The following PAK3 variants were observed in gnomAD, a reference collection of about 807,000 sequenced individuals.
PAK3 encodes the protein p21 (RAC1) activated kinase 3, also known as serine/threonine-protein kinase PAK 3.
In PAK3, 4 loss-of-function variants were observed where a neutral mutation model predicts 41.0. The observed-to-expected ratio is 0.10, with a 90% CI of 0.05 to 0.22. The LOEUF is 0.22. PAK3 is among the 10% of genes least tolerant of loss of function. The probability of loss-of-function intolerance (pLI) is 1.00; values close to 1 mark genes in which losing one functional copy is unlikely to be tolerated. For synonymous variants in PAK3, 146 were observed against 139.6 expected, an observed-to-expected ratio of 1.05 and a Z score of -0.32; for missense variants, 205 against 409.9, an observed-to-expected ratio of 0.50 and a Z score of 4.32.
chrX:111,067,210 G>A (rs776746312), intron 1 of PAK3, among the ~76,000 whole-genome samples: 6 of 111,812 alleles, frequency 5.4e-5, no homozygotes, highest in Non-Finnish European at 7.5e-5. Flanking sequence ...TGAATAGTAA[G>A]TGGTAATAGT....
chrX:110,971,833 C>T (rs1225399942), intron 1 of PAK3, among the ~76,000 whole-genome samples: 1 of 111,593 alleles, frequency 9.0e-6, no homozygotes, highest in Admixed American at 9.5e-5. Context: ...TCTTTTTATC[C>T]ATTTTGGGTT....
At chrX:111,147,409 G>GA (rs889648223) in intron 6 of PAK3, among the ~76,000 whole-genome samples, 7 of 109,735 alleles carry the variant, frequency 6.4e-5, no homozygotes, top group Non-Finnish European at 1.3e-4. Flanking sequence ...TGAGTCGCCA[G>GA]AAAAAAAATA....
intron 1 of PAK3, among the ~76,000 whole-genome samples, chrX:111,070,535 T>G (rs2092735408): frequency 8.9e-6 from 1 of 111,981 alleles, no homozygotes; most frequent in Non-Finnish European, 1.9e-5. Context: ...GAAGGCTTCT[T>G]TGACTGCAAA....
chrX:110,999,677 A>G (rs2091812983), intron 1 of PAK3, among the ~76,000 whole-genome samples: 1 of 91,595 alleles, frequency 1.1e-5, no homozygotes, highest in African/African-American at 4.5e-5. Context: ...TATAAAAGTA[A>G]AAAAAAAAAA....
intron 1 of PAK3, among the ~76,000 whole-genome samples, chrX:111,090,323 G>T (rs753582575): frequency 9.0e-6 from 1 of 111,362 alleles, no homozygotes; most frequent in African/African-American, 3.3e-5. Context: ...GGTTGCAGAG[G>T]TTCCTCACTC....
chrX:111,077,657 G>C (rs940367566), intron 1 of PAK3, among the ~76,000 whole-genome samples: 18 of 111,806 alleles, frequency 1.6e-4, no homozygotes, highest in Admixed American at 2.8e-4. Flanking sequence ...CAAAGACTAA[G>C]TCAAAATGGG....
intron 16 of PAK3, among the ~76,000 whole-genome samples, chrX:111,206,431 A>G: frequency 8.9e-6 from 1 of 111,941 alleles, no homozygotes. Flanking sequence ...GAATGAGCAC[A>G]CATATTGTTG....
intron 16 of PAK3, among the ~76,000 whole-genome samples, chrX:111,210,565 G>A (rs778324785): frequency 2.7e-5 from 3 of 111,777 alleles, no homozygotes; most frequent in African/African-American, 9.8e-5. Context: ...TAGGTTCTGA[G>A]CTTTAATACT....
chrX:111,204,941 A>ATTTTTT (rs775428482), intron 16 of PAK3, among the ~76,000 whole-genome samples: 1 of 32,485 alleles, frequency 3.1e-5, no homozygotes, highest in African/African-American at 1.6e-4. Flanking sequence ...TCATCAGCAC[A>ATTTTTT]TTTTTTTTTT....
chrX:111,087,412 T>A lies in PAK3; in HGVS notation c.-27-35665T>A, dbSNP rs772984732. Among the ~76,000 whole-genome samples the A allele has an allele frequency of 8.0e-5, 5 of 62,636 alleles. No homozygotes were observed. The East Asian group carries it at 3.5e-3, about 43-fold the overall frequency. The allele number at this position is 62,636 out of a possible 115,157, so 54.4% of individuals were successfully genotyped here. ...AGAGAACATTGACTGTAAGAAGTTC[T>A]TGCATTATTACAAAAAAAAAAAAAG... On this transcript the variant is annotated intron_variant, in intron 1 of 14. Coordinates refer to the PAK3 transcript ENST00000425146.
chrX:110,968,408 GT>G (rs765543364), intron 1 of PAK3, among the ~76,000 whole-genome samples: 30 of 112,495 alleles, frequency 2.7e-4, no homozygotes, highest in Admixed American at 6.6e-4. Context: ...CTGGTGAACT[GT>G]TTTCCAGAGT....
intron 1 of PAK3, among the ~76,000 whole-genome samples, chrX:111,017,292 A>C (rs370921377): frequency 2.5e-4 from 28 of 111,753 alleles, no homozygotes; most frequent in African/African-American, 9.1e-4. Flanking sequence ...GAGAACAGCA[A>C]TGAATCCAAG....
intron 1 of PAK3, among the ~76,000 whole-genome samples, chrX:111,080,494 G>A (rs2092825458): frequency 8.9e-6 from 1 of 112,409 alleles, no homozygotes; most frequent in South Asian, 3.7e-4. Flanking sequence ...GTAGACTGTA[G>A]TATTATGCAA....
At chrX:111,040,719 T>A (rs1297156529) in intron 1 of PAK3, among the ~76,000 whole-genome samples, 1 of 112,143 alleles carries the variant, frequency 8.9e-6, no homozygotes, top group African/African-American at 3.2e-5. Flanking sequence ...TTATTTCTAG[T>A]TATTATCATT....
chrX:111,023,838 T>C (rs1331395303), intron 1 of PAK3, among the ~76,000 whole-genome samples: 1 of 112,101 alleles, frequency 8.9e-6, no homozygotes, highest in East Asian at 2.8e-4. Flanking sequence ...TCCCAATCTG[T>C]AGGTTGCCTG....
intron 11 of PAK3, among the ~76,000 whole-genome samples, chrX:111,183,878 A>G (rs1360703784): frequency 8.9e-6 from 1 of 111,805 alleles, no homozygotes; most frequent in African/African-American, 3.2e-5. Flanking sequence ...CCAAGAACCC[A>G]GATGTACTTA....
chrX:111,046,904 T>G, intron 1 of PAK3, among the ~76,000 whole-genome samples: 1 of 111,735 alleles, frequency 8.9e-6, no homozygotes, highest in South Asian at 3.8e-4. Flanking sequence ...CAAGTCCCGT[T>G]ATATTGTACA....
intron 1 of PAK3, among the ~76,000 whole-genome samples, chrX:111,041,751 C>G (rs12852195): frequency 9.0e-6 from 1 of 110,734 alleles, no homozygotes; most frequent in Non-Finnish European, 1.9e-5. Flanking sequence ...CCAGGACTTG[C>G]CTTTCCTTCA....
At chrX:111,002,235 G>C (rs766904653) in intron 1 of PAK3, among the ~76,000 whole-genome samples, 21 of 111,700 alleles carry the variant, frequency 1.9e-4, no homozygotes, top group African/African-American at 4.2e-4. Context: ...CCATGAAGTA[G>C]GTACTGTTGA....
Sources: allele counts gnomAD v4.1 joint callset (sites outside exome capture counted in the v4.1 genomes callset), GRCh38; gene constraint gnomAD v4.1.1; transcripts MANE v1.5; gene names NCBI Gene and HGNC (gene_info 2026-07-23, HGNC 2026-07-21).